The following POU3F3 variants were observed in gnomAD, a reference collection of about 807,000 sequenced individuals.
POU3F3 encodes POU class 3 homeobox 3, also known as POU domain, class 3, transcription factor 3.
Under a neutral mutation model 8.6 loss-of-function variants are expected in POU3F3, and 1 was observed. The observed-to-expected ratio is 0.12, with a 90% CI of 0.04 to 0.55. POU3F3 has a LOEUF of 0.55. POU3F3 is among the 20% of genes least tolerant of loss of function. POU3F3 has a pLI of 0.91. For missense variants in POU3F3, 577 were observed against 690.7 expected (o/e 0.84, Z 1.84); for synonymous variants, 418 against 327.4 (o/e 1.28, Z -2.99).
At chr2:104,922,549 A>G in the POU3F3 span, among the ~76,000 whole-genome samples, 1 of 152,180 alleles carries the variant, frequency 6.6e-6, no homozygotes, top group African/African-American at 2.4e-5. Flanking sequence ...ATTTGAAGGT[A>G]GATTTGAGCA....
chr2:104,880,245 G>T, the POU3F3 span, among the ~76,000 whole-genome samples: 3 of 152,162 alleles, frequency 2.0e-5, no homozygotes, highest in African/African-American at 7.2e-5. Context: ...ACAGCCAGGA[G>T]GATGGAAAGA....
chr2:104,855,708 C>A lies in POU3F3; in HGVS notation c.198C>A (p.Asp66Glu), dbSNP rs1676546373. The A allele has an allele frequency of 1.6e-6, 2 of 1,244,896 alleles. No individual in the cohort carries two copies. The highest frequency in any genetic ancestry group is 2.1e-6 in the Non-Finnish European group (2 of 970,262). The allele number at this position is 1,244,896 out of a possible 1,614,324, so 77.1% of individuals were successfully genotyped here. A position where few individuals can be genotyped will look rare whatever the true frequency, so the allele number is the denominator to read the frequency against. ...AAVTSGAYRG[D>E]PSSVKMVQSD... ...TGACCTCGGGCGCCTACCGGGGGGACCCGTCCTCTGTCAAGATGGTCCAGA... is the reference window on the plus strand; with the variant it reads ...TGACCTCGGGCGCCTACCGGGGGGAACCGTCCTCTGTCAAGATGGTCCAGA... The change falls in exon 1 of 1, where the codon GAC becomes GAA. Residue 66 changes from aspartate to glutamate, a missense_variant. By Grantham distance (45) the Asp-to-Glu change is conservative. This residue lies in a region of POU3F3 where 484 missense variants were observed against 422.6 expected (regional missense o/e 1.15). Coordinates refer to ENST00000361360, the MANE Select transcript of POU3F3 (RefSeq NM_006236.3).
chr2:104,856,693 A>G lies in POU3F3; in HGVS notation c.1183A>G (p.Thr395Ala), dbSNP rs767968798. The G allele has an allele frequency of 3.7e-6, 6 of 1,614,092 alleles. No individual in the cohort carries two copies. Among genetic ancestry groups the G allele is most frequent in the Non-Finnish European group, 5.1e-6 (6 of 1,180,010 alleles). Residue 395 changes from threonine (T) to alanine (A), a missense_variant, in exon 1 of 1, where the codon ACA (threonine) becomes GCA (alanine). By Grantham distance (58) the Thr-to-Ala change is moderately conservative. Around this residue, in one of 7 missense-constraint regions of POU3F3, gnomAD observed 15 missense variants for 17.1 expected, o/e 0.88. Coordinates refer to ENST00000361360, the MANE Select transcript of POU3F3 (RefSeq NM_006236.3). Reference protein sequence around the residue: ...EEADSSTGSPTSIDKIAAQGR... With the variant: ...EEADSSTGSPASIDKIAAQGR... ...GGCGGACTCAAGCACCGGCAGCCCC[A>G]CAAGCATCGACAAGATCGCGGCGCA...
rs1005948513 is a variant in POU3F3, at chr2:104,854,217, G to A, written c.-1294G>A. On this transcript the variant is annotated 5_prime_UTR_variant, in exon 1 of 1. Coordinates refer to ENST00000361360, the MANE Select transcript of POU3F3 (RefSeq NM_006236.3). This position sits in a 1 kb window ranked among gnomAD's most constrained non-coding sequence, Gnocchi z 4.5. ...GGGAGAGAGAGAGAGGGAGGGAGAG[G>A]AAAAGTGAGAGAGGGAAAGAGAGCG... 2.0e-5 allele frequency among the ~76,000 whole-genome samples: 3 copies of A among 152,086 alleles called. No homozygotes were observed. The highest frequency in any genetic ancestry group is 4.4e-5 in the Non-Finnish European group (3 of 68,008).
chr2:104,892,672 CAT>C, the POU3F3 span, among the ~76,000 whole-genome samples: 2 of 151,218 alleles, frequency 1.3e-5, no homozygotes, highest in Non-Finnish European at 2.9e-5. Flanking sequence ...TATATATACA[CAT>C]ATGTGTGTGT....
the POU3F3 span, among the ~76,000 whole-genome samples, chr2:104,916,268 A>T: frequency 2.2e-4 from 34 of 152,334 alleles, no homozygotes; most frequent in Admixed American, 1.8e-3. Context: ...AACTAGATTT[A>T]TTGACAGCCT....
the POU3F3 span, among the ~76,000 whole-genome samples, chr2:104,911,269 C>A: frequency 2.6e-5 from 4 of 151,960 alleles, no homozygotes; most frequent in East Asian, 7.8e-4. Flanking sequence ...AAAAAAATAG[C>A]CAGGTGTGGT....
the POU3F3 span, among the ~76,000 whole-genome samples, chr2:104,890,574 C>T: frequency 6.6e-6 from 1 of 152,072 alleles, no homozygotes; most frequent in African/African-American, 2.4e-5. Context: ...AAATGCCAAC[C>T]CCTGAATGTT....
In POU3F3 at chr2:104,855,598, G is replaced by A. The variant is rs1476523986; in HGVS notation, c.88G>A (p.Gly30Ser). 49 of 971,366 alleles carry A rather than the reference G, an allele frequency of 5.0e-5. No individual in the cohort carries two copies. Among genetic ancestry groups the A allele is most frequent in the Non-Finnish European group, 5.7e-5 (47 of 819,972 alleles). The allele number at this position is 971,366 out of a possible 1,614,324, so 60.2% of individuals were successfully genotyped here. ...SIVHSDAAGA[G>S]GGGGGGGGGG... ...TGTGCACTCGGACGCGGCAGGGGCT[G>A]GCGGCGGCGGGGGTGGCGGCGGCGG... The change falls in exon 1 of 1, where the codon GGC becomes AGC. Residue 30 changes from glycine (G) to serine (S), a missense_variant. Physicochemically the swap from Gly to Ser is moderately conservative, Grantham distance 56 (BLOSUM62 0). Coordinates refer to ENST00000361360, the MANE Select transcript of POU3F3 (RefSeq NM_006236.3).
At chr2:104,891,423 C>T in the POU3F3 span, among the ~76,000 whole-genome samples, 1 of 151,974 alleles carries the variant, frequency 6.6e-6, no homozygotes, top group African/African-American at 2.4e-5. Context: ...GTGTCTTATG[C>T]ACAAGTCATG....
downstream of POU3F3, among the ~76,000 whole-genome samples, chr2:104,860,762 T>G (rs1676646629): frequency 1.4e-5 from 2 of 144,260 alleles, no homozygotes; most frequent in Non-Finnish European, 3.0e-5. Context: ...CTTTTTTTTT[T>G]TTTTTTTTTT....
chr2:104,901,621 A>C, the POU3F3 span, among the ~76,000 whole-genome samples: 1 of 152,198 alleles, frequency 6.6e-6, no homozygotes, highest in Admixed American at 6.5e-5. Flanking sequence ...TTAGCAGGGG[A>C]GGGGAACTGC....
Position 104,855,704 on chromosome 2 carries a change from G to A in POU3F3, c.194G>A (p.Gly65Glu). Residue 65 changes from glycine to glutamate, a missense_variant, in exon 1 of 1, where the codon GGG becomes GAG. By Grantham distance (98) the Gly-to-Glu change is moderately conservative. Coordinates refer to ENST00000361360, the MANE Select transcript of POU3F3 (RefSeq NM_006236.3). ...GCCGTGACCTCGGGCGCCTACCGGG[G>A]GGACCCGTCCTCTGTCAAGATGGTC... ...SAAVTSGAYR[G>E]DPSSVKMVQS... The A allele has an allele frequency of 8.1e-7, 1 of 1,231,038 alleles. No homozygotes were observed. The highest frequency in any genetic ancestry group is 1.0e-6 in the Non-Finnish European group (1 of 963,592). The allele number at this position is 1,231,038 out of a possible 1,614,324, so 76.3% of individuals were successfully genotyped here. A position where few individuals can be genotyped will look rare whatever the true frequency, so the allele number is the denominator to read the frequency against.
At chr2:104,884,275 A>T in the POU3F3 span, among the ~76,000 whole-genome samples, 1 of 152,156 alleles carries the variant, frequency 6.6e-6, no homozygotes, top group Non-Finnish European at 1.5e-5. Flanking sequence ...ACAGGGTAAT[A>T]CTAGAGGTTA....
the POU3F3 span, among the ~76,000 whole-genome samples, chr2:104,904,839 G>C: frequency 6.6e-6 from 1 of 152,098 alleles, no homozygotes; most frequent in Non-Finnish European, 1.5e-5. Context: ...GAGGGGCGTG[G>C]AGGGGATGAG....
the POU3F3 span, among the ~76,000 whole-genome samples, chr2:104,879,218 G>GGAGAGA: frequency 2.0e-5 from 3 of 150,066 alleles, no homozygotes; most frequent in East Asian, 2.0e-4. Flanking sequence ...ACATACAGAT[G>GGAGAGA]GAGAGAGAGA....
At chr2:104,900,365 C>G in the POU3F3 span, among the ~76,000 whole-genome samples, 1 of 152,152 alleles carries the variant, frequency 6.6e-6, no homozygotes, top group East Asian at 1.9e-4. Flanking sequence ...GAAAGAAGAA[C>G]CGTGAGCAGG....
chr2:104,856,932 C>T lies in POU3F3; in HGVS notation c.1422C>T (p.Pro474=), dbSNP rs759817331. 3.7e-6 allele frequency: 6 copies of T among 1,613,358 alleles called. No individual in the cohort carries two copies. Among genetic ancestry groups the T allele is most frequent in the Admixed American group, 3.3e-5 (2 of 59,992 alleles). Residue 474 remains proline, a synonymous_variant, in exon 1 of 1, where the codon CCC becomes CCT. Transcript: ENST00000361360. ...MTPPGIQQQT[P]DDVYSQVGTV... ...CGCCCGGGATCCAACAGCAGACGCCCGACGACGTCTACTCGCAGGTGGGCA... is the reference window on the plus strand; with the variant it reads ...CGCCCGGGATCCAACAGCAGACGCCTGACGACGTCTACTCGCAGGTGGGCA...
the POU3F3 span, among the ~76,000 whole-genome samples, chr2:104,913,595 T>C: frequency 1.3e-5 from 2 of 152,194 alleles, no homozygotes; most frequent in African/African-American, 2.4e-5. Context: ...GGCTCTGCTG[T>C]GGGATTTAAC....
Sources: allele counts gnomAD v4.1 joint callset (sites outside exome capture counted in the v4.1 genomes callset), GRCh38; gene constraint gnomAD v4.1.1; regional missense constraint gnomAD v4.1.1; non-coding constraint Gnocchi (gnomAD v3.1); transcripts MANE v1.5; gene names NCBI Gene and HGNC (gene_info 2026-07-23, HGNC 2026-07-21).